NLGN1: variants seen among roughly 807,000 people sequenced by gnomAD.
NLGN1 encodes neuroligin 1, also known as neuroligin-1.
Under a neutral mutation model 65.5 loss-of-function variants are expected in NLGN1, and 12 were observed. The ratio of observed to expected loss-of-function variants is 0.18; its 90% CI spans 0.12 to 0.30. The LOEUF is 0.30. Ranked by LOEUF, NLGN1 falls within the 10% of genes least tolerant of loss-of-function variation. The pLI, the probability that NLGN1 is intolerant of heterozygous loss-of-function variation, is 1.00. For missense variants in NLGN1, 750 were observed against 1,007.1 expected, an observed-to-expected ratio of 0.74 and a Z score of 3.46; for synonymous variants, 350 against 359.5, an observed-to-expected ratio of 0.97 and a Z score of 0.30.
rs528256048 is a variant in NLGN1, at chr3:173,421,655, GAT to G, written c.-389-13354_-389-13353del. 1.4e-3 allele frequency among the ~76,000 whole-genome samples: 205 copies of G among 151,720 alleles called. 1 individual carries two copies. The highest frequency in any genetic ancestry group is 4.8e-3 in the African/African-American group (200 of 41,468). On this transcript the variant is annotated intron_variant, in intron 1 of 6. Transcript: ENST00000457714. ...ACTACAGACTGAGGCAGAAGACTGG[GAT>G]TACAGGTGTGCACCATCATGCCGGG...
rs1344630704 is a variant in NLGN1 at position 173,597,523 on chromosome 3, C to T, written c.-320-6756C>T. On this transcript the variant is annotated intron_variant, in intron 2 of 6. Coordinates refer to ENST00000457714, the Ensembl canonical transcript of NLGN1. ...TTAAGATTCTCTCTGGTTTCTTTTA[C>T]ACCAATTCATTCACAAAAGTAATGA... 4.6e-5 allele frequency among the ~76,000 whole-genome samples: 7 copies of T among 152,220 alleles called. No individual in the cohort carries two copies. The East Asian group carries it at 9.7e-4, about 21-fold the overall frequency.
intron 2 of NLGN1, among the ~76,000 whole-genome samples, chr3:173,513,431 T>A (rs1733311289): frequency 6.6e-6 from 1 of 152,176 alleles, no homozygotes; most frequent in African/African-American, 2.4e-5. Flanking sequence ...CAGTGGAGGT[T>A]TATACTCATG....
intron 4 of NLGN1, chr3:173,915,135 T>G (rs887295492): frequency 6.6e-6 from 1 of 152,246 alleles, no homozygotes; most frequent in Admixed American, 6.5e-5. Context: ...TGGGGCCAGC[T>G]ACGCTGACTC....
intron 3 of NLGN1, chr3:173,695,632 C>A: frequency 3.9e-6 from 1 of 258,544 alleles, no homozygotes; most frequent in Non-Finnish European, 7.8e-6. Flanking sequence ...ACATCTTATA[C>A]TTTAAAAATC....
chr3:174,076,712 AGAGAGAGAGAGAGT>A (rs1340436116), intron 4 of NLGN1, among the ~76,000 whole-genome samples: 318 of 137,400 alleles, frequency 2.3e-3, no homozygotes, highest in South Asian at 8.9e-3. Context: ...AGAGAGAGAG[AGAGAGAGAGAGAGT>A]GTGTGTGTGT....
intron 4 of NLGN1, among the ~76,000 whole-genome samples, chr3:173,988,568 G>A (rs1720433027): frequency 6.6e-6 from 1 of 152,124 alleles, no homozygotes; most frequent in African/African-American, 2.4e-5. Context: ...TACCTTTTAA[G>A]CACGAGGCTG....
At chr3:173,908,100 A>T (rs1034098268) in intron 4 of NLGN1, among the ~76,000 whole-genome samples, 1 of 152,234 alleles carries the variant, frequency 6.6e-6, no homozygotes, top group Non-Finnish European at 1.5e-5. Flanking sequence ...AATATTGATT[A>T]CTGCATGTTA....
chr3:174,118,393 G>T (rs1717014363), intron 4 of NLGN1, among the ~76,000 whole-genome samples: 1 of 152,040 alleles, frequency 6.6e-6, no homozygotes, highest in African/African-American at 2.4e-5. Flanking sequence ...ACTTAATTTG[G>T]AATTAATTTC....
intron 2 of NLGN1, among the ~76,000 whole-genome samples, chr3:173,437,586 T>G (rs1450187024): frequency 6.6e-6 from 1 of 152,222 alleles, no homozygotes; most frequent in Admixed American, 6.5e-5. Context: ...TTCTCTGACT[T>G]GACTCTTCAT....
At position 173,807,807 on chromosome 3, in the gene NLGN1, A is replaced by G. The variant is rs751402837; in HGVS notation, c.621A>G (p.Thr207=). 46 of 1,613,576 alleles carry G rather than the reference A, an allele frequency of 2.9e-5. 1 individual carries two copies. In the South Asian group the frequency reaches 4.7e-4, roughly 17 times the overall value. The change falls in exon 4 of 7, where the codon ACA becomes ACG. Residue 207 remains threonine, a synonymous_variant. Transcript: ENST00000457714. ...GTTATGGCAATGTGATCGTCATCACAGTCAACTATCGACTTGGAGTACTCG... is the reference window on the plus strand; with the variant it reads ...GTTATGGCAATGTGATCGTCATCACGGTCAACTATCGACTTGGAGTACTCG...
At chr3:174,096,658 A>G (rs1229147933) in intron 4 of NLGN1, among the ~76,000 whole-genome samples, 2 of 152,202 alleles carry the variant, frequency 1.3e-5, no homozygotes, top group African/African-American at 2.4e-5. Flanking sequence ...AACCAATTAT[A>G]ACATGATTTG....
At chr3:173,477,869 G>A (rs1025966176) in intron 2 of NLGN1, among the ~76,000 whole-genome samples, 1 of 152,074 alleles carries the variant, frequency 6.6e-6, no homozygotes, top group African/African-American at 2.4e-5. Flanking sequence ...TCTCACACCA[G>A]TCAGAATGGC....
intron 3 of NLGN1, among the ~76,000 whole-genome samples, chr3:173,662,968 A>T (rs1761150011): frequency 6.6e-6 from 1 of 152,014 alleles, no homozygotes. Flanking sequence ...TTTTATACCA[A>T]GTATAAAGCA....
intron 4 of NLGN1, among the ~76,000 whole-genome samples, chr3:174,015,207 G>A (rs2152448680): frequency 6.6e-6 from 1 of 152,242 alleles, no homozygotes; most frequent in Non-Finnish European, 1.5e-5. Context: ...TCTTACAGAA[G>A]CTATTATCAA....
At chr3:174,277,144 A>G (rs1192416081) in intron 5 of NLGN1, among the ~76,000 whole-genome samples, 1 of 151,862 alleles carries the variant, frequency 6.6e-6, no homozygotes, top group Admixed American at 6.6e-5. Flanking sequence ...AAAGACATCA[A>G]CTTAGGTTTG....
At chr3:173,763,118 C>T (rs1313716078) in intron 3 of NLGN1, among the ~76,000 whole-genome samples, 1 of 151,976 alleles carries the variant, frequency 6.6e-6, no homozygotes, top group Admixed American at 6.6e-5. Flanking sequence ...TGGGAGCTTA[C>T]TTCATTCTTT....
chr3:173,682,537 C>T (rs552978540), intron 3 of NLGN1, among the ~76,000 whole-genome samples: 3 of 133,862 alleles, frequency 2.2e-5, no homozygotes, highest in Non-Finnish European at 3.0e-5. Context: ...TGCAATGAGC[C>T]GAGATTGCAC....
chr3:173,862,257 A>G (rs1437451705), intron 4 of NLGN1, among the ~76,000 whole-genome samples: 1 of 151,888 alleles, frequency 6.6e-6, no homozygotes, highest in Non-Finnish European at 1.5e-5. Context: ...CTGTAATCCC[A>G]GCACTTTGGG....
chr3:174,231,916 A>C (rs1002072169), intron 4 of NLGN1, among the ~76,000 whole-genome samples: 2 of 152,094 alleles, frequency 1.3e-5, no homozygotes, highest in African/African-American at 4.8e-5. Flanking sequence ...ATATCCCTTA[A>C]CTTATGGGAT....
Sources: allele counts gnomAD v4.1 joint callset (sites outside exome capture counted in the v4.1 genomes callset), GRCh38; gene constraint gnomAD v4.1.1; transcripts MANE v1.5; gene names NCBI Gene and HGNC (gene_info 2026-07-23, HGNC 2026-07-21).